Variants in AOC1 observed in about 807,000 individuals in gnomAD.
The protein encoded by AOC1 is diamine oxidase [copper-containing].
In AOC1, 58 loss-of-function variants were observed where a neutral mutation model predicts 57.1. The ratio of observed to expected loss-of-function variants is 1.02; its 90% CI spans 0.82 to 1.26. The LOEUF (loss-of-function observed/expected upper bound fraction) is 1.26. AOC1 is among the 50% of genes most tolerant of loss of function. AOC1 has a pLI of 0.00. For missense variants in AOC1, 917 were observed against 1,005.3 expected, an observed-to-expected ratio of 0.91 and a Z score of 1.19; for synonymous variants, 401 against 423.4, an observed-to-expected ratio of 0.95 and a Z score of 0.65.
chr7:150,853,340 C>T (rs968603950), intron 1 of AOC1, among the ~76,000 whole-genome samples: 3 of 151,936 alleles, frequency 2.0e-5, no homozygotes, highest in Admixed American at 1.3e-4. Flanking sequence ...GGGGAGGCTG[C>T]GTGTGTAGGG....
At chr7:150,860,433 T>C in intron 3 of AOC1, 68 bp from the exon 4 acceptor site, 3 of 1,609,262 alleles carry the variant, frequency 1.9e-6, no homozygotes, top group Non-Finnish European at 2.5e-6. Flanking sequence ...CTGAGGCTGT[T>C]CCCTGGGCAG....
rs567894825 is a variant in AOC1, at chr7:150,852,586, T to G, written c.-17+28T>G. ...GCGTTCTGATGGGTATTCGGGAGAG[T>G]CAAGAAGGGGCTGACCTGGAGGACA... On this transcript the variant is annotated intron_variant, in intron 1 of 4. Transcript: ENST00000360937. This position sits in a 1 kb window ranked among gnomAD's most constrained non-coding sequence, Gnocchi z 4.6. 6.6e-6 allele frequency: 1 copy of G among 152,178 alleles called. No individual in the cohort carries two copies. 9.4% of individuals were successfully genotyped at this position (152,178 alleles called of 1,614,324 possible). A position where few individuals can be genotyped will look rare whatever the true frequency, so the allele number is the denominator to read the frequency against.
At chr7:150,858,554 C>T (rs1227865513) in intron 2 of AOC1, among the ~76,000 whole-genome samples, 2 of 152,164 alleles carry the variant, frequency 1.3e-5, no homozygotes, top group African/African-American at 4.8e-5. Context: ...ATTGCAGCCA[C>T]AGCAGATGGG....
Position 150,860,580 on chromosome 7 carries a change from C to T in AOC1, c.1936C>T (p.Pro646Ser). 6.2e-7 allele frequency: 1 copy of T among 1,614,034 alleles called. No homozygotes were observed. The highest frequency in any genetic ancestry group is 2.2e-5 in the East Asian group (1 of 44,876). ...CTACCACCAGAACGACCCCTGGCAC[C>T]CGCCCGTGGTCTTTGAGCAGTTTCT... ...SIYHQNDPWH[P>S]PVVFEQFLHN... is the part of the protein sequence containing the mutation. Residue 646 changes from proline (P) to serine (S), a missense_variant, in exon 4 of 5, where the codon CCG (proline) becomes TCG (serine). Coordinates refer to ENST00000360937, the MANE Select transcript of AOC1 (RefSeq NM_001091.4).
At position 150,856,674 on chromosome 7, in the gene AOC1, C is replaced by T. The variant is rs552872356; in HGVS notation, c.204C>T (p.Thr68=). ...PSSTTTMAKN[T]VFLIEMLLPK... ...GTACCACCACCATGGCCAAGAACAC[C>T]GTGTTTCTCATCGAGATGCTGCTGC... The change falls in exon 2 of 5, where the codon ACC becomes ACT. Residue 68 remains threonine (T), a synonymous_variant. Transcript: ENST00000360937. This position sits in a 1 kb window ranked among gnomAD's most constrained non-coding sequence, Gnocchi z 5.2. 95 of 1,614,136 alleles carry T rather than the reference C, an allele frequency of 5.9e-5. No individual in the cohort carries two copies. The East Asian group carries it at 1.7e-3, about 30-fold the overall frequency.
upstream of AOC1, chr7:150,852,472 C>T (rs2301256): frequency 3.3e-3 from 502 of 152,872 alleles, 21 homozygotes; most frequent in East Asian, 0.086. The surrounding 1 kb of genome is among the most constrained non-coding windows in gnomAD (Gnocchi z 4.6). Flanking sequence ...CCCTGCAGGG[C>T]GGGGTCTGAT....
chr7:150,859,194 C>T (rs910532572), intron 3 of AOC1, 146 bp downstream of exon 3: 1 of 988,074 alleles, frequency 1.0e-6, no homozygotes, highest in South Asian at 2.7e-5. Flanking sequence ...GTACAATTGA[C>T]CCTGAACAAT....
Position 150,857,020 on chromosome 7 carries a change from T to A in AOC1, c.550T>A (p.Phe184Ile). 6.2e-7 allele frequency: 1 copy of A among 1,614,156 alleles called. No individual in the cohort carries two copies. The highest frequency in any genetic ancestry group is 8.5e-7 in the Non-Finnish European group (1 of 1,180,002). Reference protein sequence around the residue: ...FQDCHDRCLAFTDVAPRGVAS... With the variant: ...FQDCHDRCLAITDVAPRGVAS... ...AGACTGCCATGACAGATGCCTGGCC[T>A]TCACCGATGTGGCCCCCCGGGGTGT... Residue 184 changes from phenylalanine (F) to isoleucine (I), a missense_variant, in exon 2 of 5, where the codon TTC becomes ATC. By Grantham distance (21) the Phe-to-Ile change is conservative. Coordinates refer to ENST00000360937, the MANE Select transcript of AOC1 (RefSeq NM_001091.4). The surrounding 1 kb of genome is among the most constrained non-coding windows in gnomAD (Gnocchi z 6.6).
chr7:150,854,051 G>A (rs1799702798), intron 1 of AOC1: 4 of 151,782 alleles, frequency 2.6e-5, no homozygotes, highest in Admixed American at 6.6e-5. Context: ...ATTTAAAGAA[G>A]AAAAAAAAGA....
At position 150,857,998 on chromosome 7, in the gene AOC1, C is replaced by A; in HGVS notation, c.1528C>A (p.His510Asn). The change falls in exon 2 of 5, where the codon CAC becomes AAC. Residue 510 changes from histidine (H) to asparagine (N), a missense_variant. Physicochemically the swap from His to Asn is moderately conservative, Grantham distance 68. Coordinates refer to ENST00000360937, the MANE Select transcript of AOC1 (RefSeq NM_001091.4). The surrounding 1 kb of genome is among the most constrained non-coding windows in gnomAD (Gnocchi z 6.6). ...GCACACCCACCTGATTGGCAACATA[C>A]ACACTCACTTGGTGCACTACCGCGT... ...RLHTHLIGNI[H>N]THLVHYRVDL... 6.4e-7 allele frequency: 1 copy of A among 1,571,462 alleles called. No homozygotes were observed. The highest frequency in any genetic ancestry group is 8.6e-7 in the Non-Finnish European group (1 of 1,164,058).
At position 150,861,501 on chromosome 7, in the gene AOC1, C is replaced by T. The variant is rs541055096; in HGVS notation, c.*292C>T. 3.2e-6 allele frequency: 1 copy of T among 311,944 alleles called. No individual in the cohort carries two copies. Among genetic ancestry groups the T allele is most frequent in the Non-Finnish European group, 5.9e-6 (1 of 170,474 alleles). 19.3% of individuals were successfully genotyped at this position (311,944 alleles called of 1,614,324 possible). A position where few individuals can be genotyped will look rare whatever the true frequency, so the allele number is the denominator to read the frequency against. On this transcript the variant is annotated 3_prime_UTR_variant, in exon 5 of 5. Transcript: ENST00000360937. The surrounding 1 kb of genome is among the most constrained non-coding windows in gnomAD (Gnocchi z 4.5). ...GTCTACTGCAGTCCAGAAAAGCCACCATTACTAACAAAAAGGAAGCTCGCT... is the reference window on the plus strand; with the variant it reads ...GTCTACTGCAGTCCAGAAAAGCCACTATTACTAACAAAAAGGAAGCTCGCT...
chr7:150,856,712 A>G lies in AOC1; in HGVS notation c.242A>G (p.His81Arg). The G allele has an allele frequency of 6.2e-7, 1 of 1,614,108 alleles. No individual in the cohort carries two copies. The highest frequency in any genetic ancestry group is 8.5e-7 in the Non-Finnish European group (1 of 1,179,966). The change falls in exon 2 of 5, where the codon CAT becomes CGT. Residue 81 changes from histidine (H) to arginine (R), a missense_variant. Coordinates refer to ENST00000360937, the MANE Select transcript of AOC1 (RefSeq NM_001091.4). This position sits in a 1 kb window ranked among gnomAD's most constrained non-coding sequence, Gnocchi z 5.2. ...LIEMLLPKKY[H>R]VLRFLDKGER... ...GAGATGCTGCTGCCCAAGAAGTACC[A>G]TGTGCTGAGGTTTCTGGATAAAGGT...
chr7:150,860,187 AAAAAG>A (rs370129210), intron 3 of AOC1, among the ~76,000 whole-genome samples: 1,473 of 144,090 alleles, frequency 0.01, 28 homozygotes, highest in African/African-American at 0.04. Flanking sequence ...AAAAAAAAAG[AAAAAG>A]AAAAGAAAAG....
In AOC1 at chr7:150,856,538, C is replaced by G. The variant is rs201476675; in HGVS notation, c.68C>G (p.Pro23Arg). Residue 23 changes from proline (P) to arginine (R), a missense_variant, in exon 2 of 5, where the codon CCG (proline) becomes CGG (arginine). Coordinates refer to ENST00000360937, the MANE Select transcript of AOC1 (RefSeq NM_001091.4). The surrounding 1 kb of genome is among the most constrained non-coding windows in gnomAD (Gnocchi z 5.2). Reference protein sequence around the residue: ...MLQTAMAEPSPGTLPRKAGVF... With the variant: ...MLQTAMAEPSRGTLPRKAGVF... Reference sequence around the variant, plus strand: ...CAGACGGCCATGGCGGAGCCCTCCCCGGGGACTCTGCCCAGGAAGGCAGGG... The same window carrying G: ...CAGACGGCCATGGCGGAGCCCTCCCGGGGGACTCTGCCCAGGAAGGCAGGG... The G allele has an allele frequency of 1.1e-5, 18 of 1,613,974 alleles. No individual in the cohort carries two copies. In the East Asian group the frequency reaches 4.0e-4, roughly 36 times the overall value.
In AOC1 at chr7:150,856,639, C is replaced by T. The variant is rs563618391; in HGVS notation, c.169C>T (p.Gln57Ter). The T allele has an allele frequency of 2.0e-5, 32 of 1,614,168 alleles. No individual in the cohort carries two copies. The South Asian group carries it at 3.3e-4, about 17-fold the overall frequency. Residue 57 changes from glutamine (Q) to a stop codon, truncating the protein, a stop_gained, in exon 2 of 5, where the codon CAG (glutamine) becomes TAG (stop). Transcript: ENST00000360937. LOFTEE classifies it high-confidence loss of function. This position sits in a 1 kb window ranked among gnomAD's most constrained non-coding sequence, Gnocchi z 5.2. Reference sequence around the variant, plus strand: ...CTGGTCCAAGAAGGAGCTGAGGCTGCAGCCCTCCAGTACCACCACCATGGC... The same window carrying T: ...CTGGTCCAAGAAGGAGCTGAGGCTGTAGCCCTCCAGTACCACCACCATGGC... ...FLWSKKELRL[Q>*]PSSTTTMAKN...
At position 150,857,689 on chromosome 7, in the gene AOC1, G is replaced by C; in HGVS notation, c.1219G>C (p.Asp407His). The C allele has an allele frequency of 6.2e-7, 1 of 1,614,104 alleles. No individual in the cohort carries two copies. The highest frequency in any genetic ancestry group is 8.5e-7 in the Non-Finnish European group (1 of 1,179,988). The change falls in exon 2 of 5, where the codon GAT becomes CAT. Residue 407 changes from aspartate to histidine, a missense_variant. Transcript: ENST00000360937. This position sits in a 1 kb window ranked among gnomAD's most constrained non-coding sequence, Gnocchi z 6.6. ...GGACACTTTCCACTACTATGATGCC[G>C]ATGACCCGGTCCATTATCCCCGAGC... ...FLDTFHYYDA[D>H]DPVHYPRALC...
intron 1 of AOC1, among the ~76,000 whole-genome samples, chr7:150,853,204 G>A (rs1201463384): frequency 2.6e-5 from 4 of 152,210 alleles, no homozygotes; most frequent in East Asian, 1.9e-4. Flanking sequence ...GTCATTGTCC[G>A]TTTGTCCAAC....
intron 1 of AOC1, among the ~76,000 whole-genome samples, chr7:150,853,695 A>ATATATATT (rs1244012491): frequency 4.0e-4 from 34 of 84,240 alleles, no homozygotes; most frequent in East Asian, 1.6e-3. Context: ...ATATATATAT[A>ATATATATT]TATTTATTTA....
At chr7:150,855,620 G>A (rs181753119) in intron 1 of AOC1, among the ~76,000 whole-genome samples, 55 of 152,246 alleles carry the variant, frequency 3.6e-4, no homozygotes, top group Admixed American at 5.2e-4. Flanking sequence ...CACAAAGAAG[G>A]CTAGGCAGGA....
Sources: gnomAD v4.1 joint callset for allele counts (sites outside exome capture counted in the v4.1 genomes callset) on GRCh38, gnomAD v4.1.1 for gene constraint, Gnocchi (gnomAD v3.1) non-coding constraint, MANE v1.5 for transcripts, NCBI Gene and HGNC (gene_info 2026-07-23, HGNC 2026-07-21) for gene names.